Variants in GTF2A1 observed in about 807,000 individuals in gnomAD.
GTF2A1 encodes the protein transcription initiation factor IIA subunit 1.
A neutral mutation model predicts 54.1 loss-of-function variants in GTF2A1; 12 were observed. The observed-to-expected ratio is 0.22, with a 90% confidence interval of 0.14 to 0.36. The LOEUF is 0.36. GTF2A1 is among the 10% of genes least tolerant of loss of function. The pLI is 1.00. For missense variants in GTF2A1, 335 were observed against 442.2 expected (o/e 0.76, Z 2.17); for synonymous variants, 145 against 152.0 (o/e 0.95, Z 0.34).
chr14:81,220,779 G>C lies in GTF2A1; in HGVS notation c.-261C>G, dbSNP rs1893621686. 2.8e-6 allele frequency: 1 copy of C among 362,160 alleles called. No homozygotes were observed. Among genetic ancestry groups the C allele is most frequent in the East Asian group, 4.0e-5 (1 of 24,766 alleles). 22.4% of individuals were successfully genotyped at this position (362,160 alleles called of 1,614,324 possible). On this transcript the variant is annotated 5_prime_UTR_variant, in exon 1 of 9. Coordinates refer to ENST00000553612, the MANE Select transcript of GTF2A1 (RefSeq NM_015859.4). ...CCACGACCCTTCAGGGGTCCGGGGGGCGTTGCCCGCTCCCCACCCCGCGCC... is the reference window on the plus strand; with the variant it reads ...CCACGACCCTTCAGGGGTCCGGGGGCCGTTGCCCGCTCCCCACCCCGCGCC...
chr14:81,198,281 C>CA (rs1350809536), intron 4 of GTF2A1, among the ~76,000 whole-genome samples: 1 of 151,978 alleles, frequency 6.6e-6, no homozygotes, highest in Non-Finnish European at 1.5e-5. Context: ...CCCATTTCTA[C>CA]AAAAAATACA....
At chr14:81,205,150 A>G (rs754143814) in intron 2 of GTF2A1, among the ~76,000 whole-genome samples, 10 of 152,078 alleles carry the variant, frequency 6.6e-5, no homozygotes, top group African/African-American at 2.2e-4. Flanking sequence ...AAATAGTGAC[A>G]AGATCTCACT....
intron 4 of GTF2A1, 89 bp downstream of exon 4, chr14:81,201,505 A>G (rs1307179196): frequency 1.4e-6 from 1 of 700,968 alleles, no homozygotes; most frequent in African/African-American, 1.8e-5. Context: ...ATAAACTTCA[A>G]GTAGTTAATA....
At position 81,220,237 on chromosome 14, in the gene GTF2A1, G is replaced by T. The variant is rs376288328; in HGVS notation, c.30+252C>A. Among the ~76,000 whole-genome samples the T allele has an allele frequency of 1.8e-4, 25 of 142,596 alleles. No individual in the cohort carries two copies. The East Asian group carries it at 2.0e-3, about 11-fold the overall frequency. The allele number at this position is 142,596 out of a possible 152,430, so 93.5% of individuals were successfully genotyped here. The stretch of plus-strand genomic sequence containing the variant: ...CGGGCCCAACCGCCTCCGCGGCCCG[G>T]CCCGGCCCGCGGCGGCCCCAGGCCC... On this transcript the variant is annotated intron_variant, in intron 1 of 8. Coordinates refer to ENST00000553612, the MANE Select transcript of GTF2A1 (RefSeq NM_015859.4).
At chr14:81,192,240 T>C (rs999211294) in intron 7 of GTF2A1, among the ~76,000 whole-genome samples, 1 of 152,206 alleles carries the variant, frequency 6.6e-6, no homozygotes, top group East Asian at 1.9e-4. Context: ...AAGCCAGAGT[T>C]AGAATTACCT....
At chr14:81,207,654 T>C (rs1893269317) in intron 2 of GTF2A1, among the ~76,000 whole-genome samples, 7 of 152,086 alleles carry the variant, frequency 4.6e-5, no homozygotes, top group Admixed American at 4.6e-4. Context: ...TGTGGGAAAG[T>C]TTGGAACTTC....
chr14:81,204,659 G>A (rs910084774), intron 2 of GTF2A1, among the ~76,000 whole-genome samples: 1 of 152,108 alleles, frequency 6.6e-6, no homozygotes, highest in African/African-American at 2.4e-5. Flanking sequence ...AACCGGCAAC[G>A]CCCGAAGGTC....
In GTF2A1 at chr14:81,176,152, T is replaced by C. The variant is rs912529979; in HGVS notation, c.*4071A>G. 6.6e-6 allele frequency: 1 copy of C among 152,152 alleles called. No homozygotes were observed. Among genetic ancestry groups the C allele is most frequent in the Non-Finnish European group, 1.5e-5 (1 of 68,002 alleles). The allele number at this position is 152,152 out of a possible 1,614,324, so 9.4% of individuals were successfully genotyped here. On this transcript the variant is annotated 3_prime_UTR_variant, in exon 9 of 9. Coordinates refer to ENST00000553612, the MANE Select transcript of GTF2A1 (RefSeq NM_015859.4). ...AAAGCAAGCAACATTTTTTTTTAAA[T>C]AACATCTTTAATTAAAGTTTTTGCA...
Position 81,198,014 on chromosome 14 carries a change from T to C in GTF2A1, c.403-530A>G, listed in dbSNP as rs568985239. Among the ~76,000 whole-genome samples the C allele has an allele frequency of 2.6e-5, 4 of 152,292 alleles. No individual in the cohort carries two copies. The East Asian group carries it at 5.8e-4, about 22-fold the overall frequency. On this transcript the variant is annotated intron_variant, in intron 4 of 8. Transcript: ENST00000553612. ...ACAGATATCTATAAAGAACACTGTA[T>C]CAGAAGACTTCACTGGGAGTACAGC...
intron 6 of GTF2A1, among the ~76,000 whole-genome samples, chr14:81,193,224 T>A (rs1892914944): frequency 6.6e-6 from 1 of 150,602 alleles, no homozygotes. Flanking sequence ...TGGAGTGCAA[T>A]GGTGTGATCT....
At chr14:81,212,057 T>G (rs1420650128) in intron 2 of GTF2A1, among the ~76,000 whole-genome samples, 1 of 151,832 alleles carries the variant, frequency 6.6e-6, no homozygotes, top group Non-Finnish European at 1.5e-5. Context: ...GCTAACATTC[T>G]ACAATCAATA....
intron 7 of GTF2A1, among the ~76,000 whole-genome samples, chr14:81,191,408 A>G (rs1595212686): frequency 6.6e-6 from 1 of 152,304 alleles, no homozygotes; most frequent in Middle Eastern, 3.4e-3. Context: ...ACAACAAGAA[A>G]CAATCCTTAT....
chr14:81,204,834 C>T (rs1341134547), intron 2 of GTF2A1, among the ~76,000 whole-genome samples: 4 of 152,174 alleles, frequency 2.6e-5, no homozygotes, highest in African/African-American at 9.6e-5. Flanking sequence ...GAAAAGAAAA[C>T]ATGTGCAACG....
At chr14:81,196,051 GA>G in intron 6 of GTF2A1, 56 bp downstream of exon 6, 1 of 1,489,588 alleles carries the variant, frequency 6.7e-7, no homozygotes, top group South Asian at 1.1e-5. Context: ...ACTACCCAGG[GA>G]ATACATACAG....
chr14:81,181,446 T>G (rs559253472), intron 8 of GTF2A1, among the ~76,000 whole-genome samples: 1 of 152,336 alleles, frequency 6.6e-6, no homozygotes, highest in Admixed American at 6.5e-5. Flanking sequence ...TGCTACTAAG[T>G]GACAATCATG....
Position 81,177,011 on chromosome 14 carries a change from T to A in GTF2A1, c.*3212A>T, listed in dbSNP as rs1008448831. The A allele has an allele frequency of 2.6e-5, 4 of 151,852 alleles. No individual in the cohort carries two copies. The highest frequency in any genetic ancestry group is 5.9e-5 in the Non-Finnish European group (4 of 67,896). The allele number at this position is 151,852 out of a possible 1,614,324, so 9.4% of individuals were successfully genotyped here. On this transcript the variant is annotated 3_prime_UTR_variant, in exon 9 of 9. Coordinates refer to ENST00000553612, the MANE Select transcript of GTF2A1 (RefSeq NM_015859.4). ...GCTATGAGAATCAAAAATAGTATAC[T>A]CTTAGAGGGAGACAACTCTTTTCAT...
chr14:81,201,328 A>G (rs1364337718), intron 4 of GTF2A1, among the ~76,000 whole-genome samples: 2 of 152,178 alleles, frequency 1.3e-5, no homozygotes, highest in African/African-American at 4.8e-5. Context: ...TAGGTACCCT[A>G]AAACTTTTTC....
chr14:81,190,685 A>T (rs1041915329), intron 7 of GTF2A1, among the ~76,000 whole-genome samples: 2 of 152,188 alleles, frequency 1.3e-5, no homozygotes, highest in African/African-American at 4.8e-5. Flanking sequence ...ACCCACAACA[A>T]ACATTAAACT....
At chr14:81,205,697 G>A (rs1047434145) in intron 2 of GTF2A1, among the ~76,000 whole-genome samples, 2 of 152,028 alleles carry the variant, frequency 1.3e-5, no homozygotes, top group Admixed American at 6.5e-5. Flanking sequence ...ACCCAAAAGG[G>A]GAACCAACTG....
Sources: allele counts gnomAD v4.1 joint callset (sites outside exome capture counted in the v4.1 genomes callset), GRCh38; gene constraint gnomAD v4.1.1; transcripts MANE v1.5; gene names NCBI Gene and HGNC (gene_info 2026-07-23, HGNC 2026-07-21).